The following NPY2R variants were observed in gnomAD, a reference collection of about 807,000 sequenced individuals.
The protein encoded by NPY2R is neuropeptide Y receptor type 2.
In NPY2R, 17 loss-of-function variants were observed where a neutral mutation model predicts 22.3. That is an observed-to-expected ratio of 0.76 (90% CI 0.52 to 1.14). The LOEUF (loss-of-function observed/expected upper bound fraction) is 1.14, where lower values mean the gene tolerates loss of function less well. Ranked by LOEUF, NPY2R falls within the 50% of genes most tolerant of loss-of-function variation. The probability of loss-of-function intolerance (pLI) is 0.00; values close to 1 mark genes in which losing one functional copy is unlikely to be tolerated. For missense variants in NPY2R, 424 were observed against 467.9 expected, an observed-to-expected ratio of 0.91 and a Z score of 0.87; for synonymous variants, 209 against 183.4, an observed-to-expected ratio of 1.14 and a Z score of -1.13.
At chr4:155,208,019 C>T (rs1273016470), upstream of NPY2R, 1 of 152,318 alleles carries the variant, frequency 6.6e-6, no homozygotes, top group African/African-American at 2.4e-5. This position sits in a 1 kb window ranked among gnomAD's most constrained non-coding sequence, Gnocchi z 5.6. Context: ...TCTGAACTCG[C>T]TTTACCTTCT....
In NPY2R at chr4:155,214,722, G is replaced by A. The variant is rs1729478034; in HGVS notation, c.783G>A (p.Gln261=). ...GAGCTGCAAATGACCACTACCATCA[G>A]CGAAGGCAAAAAACCACCAAAATGC... ...SPGAANDHYH[Q]RRQKTTKMLV... Residue 261 remains glutamine, a synonymous_variant, in exon 2 of 2, where the codon CAG becomes CAA. Transcript: ENST00000329476. 3.7e-6 allele frequency: 6 copies of A among 1,614,214 alleles called. No individual in the cohort carries two copies. Among genetic ancestry groups the A allele is most frequent in the Non-Finnish European group, 5.1e-6 (6 of 1,180,030 alleles).
upstream of NPY2R, among the ~76,000 whole-genome samples, chr4:155,205,569 T>A (rs1729267833): frequency 6.6e-6 from 1 of 152,178 alleles, no homozygotes; most frequent in South Asian, 2.1e-4. Flanking sequence ...TCAACAAATC[T>A]CTTACTTCAG....
At chr4:155,177,852 C>G in the NPY2R span, among the ~76,000 whole-genome samples, 1 of 152,048 alleles carries the variant, frequency 6.6e-6, no homozygotes, top group Non-Finnish European at 1.5e-5. Context: ...GCCACCACAC[C>G]AAAAACCCCT....
In NPY2R at chr4:155,215,597, G is replaced by A. The variant is rs1729499606; in HGVS notation, c.*512G>A. On this transcript the variant is annotated 3_prime_UTR_variant, in exon 2 of 2. Transcript: ENST00000329476. ...TTCATTCTCTAGACAAAATCCATCA[G>A]GGAATGCTGCAGGAAACGATTGCCA... 1 of 193,466 alleles carries A rather than the reference G, an allele frequency of 5.2e-6. No individual in the cohort carries two copies. The highest frequency in any genetic ancestry group is 2.4e-5 in the African/African-American group (1 of 41,864). The allele number at this position is 193,466 out of a possible 1,614,324, so 12.0% of individuals were successfully genotyped here.
At chr4:155,180,997 T>A in the NPY2R span, among the ~76,000 whole-genome samples, 7 of 151,924 alleles carry the variant, frequency 4.6e-5, no homozygotes, top group African/African-American at 1.7e-4. Flanking sequence ...CAACTGTTAG[T>A]AAAGTTGAAG....
intron 1 of NPY2R, among the ~76,000 whole-genome samples, chr4:155,212,398 A>G (rs1729424207): frequency 6.6e-6 from 1 of 152,030 alleles, no homozygotes; most frequent in Admixed American, 6.5e-5. Flanking sequence ...ATCACATTTG[A>G]ATTTCAGAAA....
At position 155,215,383 on chromosome 4, in the gene NPY2R, C is replaced by A; in HGVS notation, c.*298C>A. The stretch of plus-strand genomic sequence containing the variant: ...TTTCCTGGAGTGAAGAAAACTTGAA[C>A]AAGAAATTGGTATTATCAAAGCATT... On this transcript the variant is annotated 3_prime_UTR_variant, in exon 2 of 2. Transcript: ENST00000329476. 2 of 468,862 alleles carry A rather than the reference C, an allele frequency of 4.3e-6. No homozygotes were observed. Among genetic ancestry groups the A allele is most frequent in the Non-Finnish European group, 8.1e-6 (2 of 246,660 alleles). The allele number at this position is 468,862 out of a possible 1,614,324, so 29.0% of individuals were successfully genotyped here. A position where few individuals can be genotyped will look rare whatever the true frequency, so the allele number is the denominator to read the frequency against.
the NPY2R span, among the ~76,000 whole-genome samples, chr4:155,189,457 C>T: frequency 6.6e-6 from 1 of 152,052 alleles, no homozygotes; most frequent in East Asian, 1.9e-4. Flanking sequence ...AATGTTAAAT[C>T]TTCTGTGAAT....
the NPY2R span, among the ~76,000 whole-genome samples, chr4:155,188,297 A>AT: frequency 3.1e-3 from 475 of 151,792 alleles, 1 homozygote; most frequent in African/African-American, 0.011. Flanking sequence ...TATGTACATT[A>AT]TTTTTTCAAA....
chr4:155,200,540 AG>A, the NPY2R span, among the ~76,000 whole-genome samples: 1 of 152,294 alleles, frequency 6.6e-6, no homozygotes. Flanking sequence ...TCTACTTTAA[AG>A]ACACACGTAC....
chr4:155,197,364 T>A, the NPY2R span, among the ~76,000 whole-genome samples: 1 of 151,934 alleles, frequency 6.6e-6, no homozygotes, highest in Non-Finnish European at 1.5e-5. Flanking sequence ...AACCTACTTA[T>A]AATTTATGCT....
Position 155,214,780 on chromosome 4 carries a change from T to A in NPY2R, c.841T>A (p.Trp281Arg). The A allele has an allele frequency of 1.2e-6, 2 of 1,613,928 alleles. No homozygotes were observed. The highest frequency in any genetic ancestry group is 2.2e-5 in the South Asian group (2 of 91,078). The change falls in exon 2 of 2, where the codon TGG becomes AGG. Residue 281 changes from tryptophan to arginine, a missense_variant. Coordinates refer to ENST00000329476, the MANE Select transcript of NPY2R (RefSeq NM_000910.4). ...VCVVVVFAVS[W>R]LPLHAFQLAV... ...TGTGGTGGTGGTGTTTGCGGTCAGC[T>A]GGCTGCCTCTCCATGCCTTCCAGCT...
Position 155,213,968 on chromosome 4 carries a change from A to G in NPY2R, c.29A>G (p.Glu10Gly), listed in dbSNP as rs759606883. MGPIGAEADENQTVEEMKVE... is the reference protein window; with the variant it reads MGPIGAEADGNQTVEEMKVE... The stretch of plus-strand genomic sequence containing the variant: ...GGTCCAATAGGTGCAGAGGCTGATG[A>G]GAACCAGACAGTGGAAGAAATGAAG... Residue 10 changes from glutamate (E) to glycine (G), a missense_variant, in exon 2 of 2, where the codon GAG becomes GGG. Glu to Gly is a moderately conservative substitution (Grantham distance 98, BLOSUM62 -2). Transcript: ENST00000329476. 26 of 1,614,106 alleles carry G rather than the reference A, an allele frequency of 1.6e-5. No homozygotes were observed. The highest frequency in any genetic ancestry group is 2.2e-5 in the Non-Finnish European group (26 of 1,180,026).
At chr4:155,198,597 T>TATTTGATATATATA in the NPY2R span, among the ~76,000 whole-genome samples, 1 of 147,360 alleles carries the variant, frequency 6.8e-6, no homozygotes, top group Admixed American at 6.9e-5. Flanking sequence ...ATATATAATA[T>TATTTGATATATATA]ATATATTTGA....
intron 1 of NPY2R, among the ~76,000 whole-genome samples, chr4:155,212,779 C>G (rs1205564490): frequency 6.6e-6 from 1 of 152,156 alleles, no homozygotes. Context: ...TGCGGGTTCT[C>G]TTAAATGTAG....
At chr4:155,176,546 G>A in the NPY2R span, among the ~76,000 whole-genome samples, 70 of 152,170 alleles carry the variant, frequency 4.6e-4, 1 homozygote, top group African/African-American at 1.6e-3. Context: ...GATAAATTAG[G>A]TGGTTACCCT....
intron 1 of NPY2R, among the ~76,000 whole-genome samples, chr4:155,212,344 G>A (rs1410966701): frequency 6.6e-6 from 1 of 151,994 alleles, no homozygotes; most frequent in African/African-American, 2.4e-5. Context: ...AAAATACATC[G>A]TAATTGTTTC....
chr4:155,174,484 A>ATATATATATATATATATATAAATATTT, the NPY2R span, among the ~76,000 whole-genome samples: 7 of 106,072 alleles, frequency 6.6e-5, no homozygotes, highest in African/African-American at 2.7e-4. Context: ...ATATATATAT[A>ATATATATATATATATATATAAATATTT]TTTTTTTTTT....
At chr4:155,200,944 G>A in the NPY2R span, among the ~76,000 whole-genome samples, 3 of 151,850 alleles carry the variant, frequency 2.0e-5, no homozygotes, top group African/African-American at 4.8e-5. Context: ...TAGGTGCAGC[G>A]AATCACCATG....
Sources: gnomAD v4.1 joint callset for allele counts (sites outside exome capture counted in the v4.1 genomes callset) on GRCh38, gnomAD v4.1.1 for gene constraint, Gnocchi (gnomAD v3.1) non-coding constraint, MANE v1.5 for transcripts, NCBI Gene and HGNC (gene_info 2026-07-23, HGNC 2026-07-21) for gene names.